TNS1: variants seen among roughly 807,000 people sequenced by gnomAD.
The protein encoded by TNS1 is tensin 1, also known as tensin-1.
In TNS1, 62 loss-of-function variants were observed where a neutral mutation model predicts 168.6. The observed-to-expected ratio is 0.37, with a 90% confidence interval of 0.30 to 0.45. The LOEUF (loss-of-function observed/expected upper bound fraction) is 0.45. TNS1 is among the 20% of genes least tolerant of loss of function. TNS1 has a pLI of 1.00. For synonymous variants in TNS1, 934 were observed against 933.2 expected (o/e 1.00, Z -0.02); for missense variants, 2,240 against 2,339.4 (o/e 0.96, Z 0.88).
At chr2:217,919,082 C>G (rs1395639435) in intron 4 of TNS1, among the ~76,000 whole-genome samples, 1 of 152,218 alleles carries the variant, frequency 6.6e-6, no homozygotes, top group Non-Finnish European at 1.5e-5. Context: ...TCCATCACCA[C>G]CCTGAATAGG....
chr2:217,870,032 G>A (rs1291709140), intron 18 of TNS1, among the ~76,000 whole-genome samples: 1 of 152,154 alleles, frequency 6.6e-6, no homozygotes, highest in East Asian at 1.9e-4. Context: ...AGATTTGATT[G>A]TTTCTCGTTC....
chr2:217,912,775 C>T (rs1442352288), intron 4 of TNS1, among the ~76,000 whole-genome samples: 3 of 152,160 alleles, frequency 2.0e-5, no homozygotes, highest in African/African-American at 7.2e-5. Flanking sequence ...CACATACAGA[C>T]CTATGAGAGC....
At chr2:217,954,302 G>C (rs567767480) in intron 3 of TNS1, among the ~76,000 whole-genome samples, 4 of 152,138 alleles carry the variant, frequency 2.6e-5, no homozygotes. Flanking sequence ...AATGAGCTGC[G>C]GTCCCCCATC....
At chr2:217,989,691 T>C in intron 2 of TNS1, among the ~76,000 whole-genome samples, 1 of 152,116 alleles carries the variant, frequency 6.6e-6, no homozygotes, top group East Asian at 1.9e-4. Flanking sequence ...GGTCCTCCGC[T>C]GAGTCTGACT....
intron 21 of TNS1, among the ~76,000 whole-genome samples, chr2:217,834,595 G>A (rs1373484205): frequency 5.3e-5 from 8 of 152,166 alleles, no homozygotes; most frequent in Non-Finnish European, 7.3e-5. Context: ...TCTGCCTGGA[G>A]GCCAAGGATG....
At chr2:218,031,894 G>A (rs1327692508) in intron 1 of TNS1, among the ~76,000 whole-genome samples, 4 of 152,220 alleles carry the variant, frequency 2.6e-5, no homozygotes, top group South Asian at 2.1e-4. Context: ...CTGCAGAAAC[G>A]GAAGAGGCAA....
At position 217,818,536 on chromosome 2, in the gene TNS1, C is replaced by T; in HGVS notation, c.3796G>A (p.Ala1266Thr). ...CCAGCCACACTGAACTGAGCTCGAGCCTGGCTTTCCGGAGAGGAGCTGAAA... is the reference window on the plus strand; with the variant it reads ...CCAGCCACACTGAACTGAGCTCGAGTCTGGCTTTCCGGAGAGGAGCTGAAA... Reference protein sequence around the residue: ...QHFSSSPESQARAQFSVAGVH... With the variant: ...QHFSSSPESQTRAQFSVAGVH... Residue 1266 changes from alanine (A) to threonine (T), a missense_variant, in exon 24 of 33, where the codon GCT (alanine) becomes ACT (threonine). Physicochemically the swap from Ala to Thr is moderately conservative, Grantham distance 58. Around this residue, in one of 2 missense-constraint regions of TNS1, gnomAD observed 2,131 missense variants for 2,171.2 expected, o/e 0.98. Coordinates refer to ENST00000682258, the MANE Select transcript of TNS1 (RefSeq NM_001387777.1). 6.2e-7 allele frequency: 1 copy of T among 1,614,226 alleles called. No homozygotes were observed. Among genetic ancestry groups the T allele is most frequent in the Non-Finnish European group, 8.5e-7 (1 of 1,180,032 alleles).
intron 1 of TNS1, among the ~76,000 whole-genome samples, chr2:218,018,049 G>A (rs929411762): frequency 6.6e-6 from 1 of 152,178 alleles, no homozygotes; most frequent in African/African-American, 2.4e-5. Context: ...TAGAATGGAG[G>A]CATATGAAGA....
rs1937732724 is a variant in TNS1, at chr2:217,803,165, C to T, written c.*1294G>A. 1 of 152,276 alleles carries T rather than the reference C, an allele frequency of 6.6e-6. No individual in the cohort carries two copies. Among genetic ancestry groups the T allele is most frequent in the African/African-American group, 2.4e-5 (1 of 41,476 alleles). The allele number at this position is 152,276 out of a possible 1,614,324, so 9.4% of individuals were successfully genotyped here. ...GAGGTCAGAGGGTGCCTGCAAAAGC[C>T]AGACCCTAAAACACTTACAGAGGGG... On this transcript the variant is annotated 3_prime_UTR_variant, in exon 33 of 33. Coordinates refer to ENST00000682258, the MANE Select transcript of TNS1 (RefSeq NM_001387777.1).
At chr2:218,007,353 GCA>G (rs1958667438), upstream of TNS1, among the ~76,000 whole-genome samples, 1 of 152,168 alleles carries the variant, frequency 6.6e-6, no homozygotes, top group Non-Finnish European at 1.5e-5. Context: ...AGAAACTGAG[GCA>G]CATAGAGGTT....
chr2:218,010,250 C>T, exon 1 of TNS1: 2 of 398,696 alleles, frequency 5.0e-6, no homozygotes, highest in Non-Finnish European at 8.9e-6. Context: ...GTGGACCCGC[C>T]GCTCCTGGCG....
At chr2:217,985,929 C>T (rs1213799140) in intron 2 of TNS1, among the ~76,000 whole-genome samples, 1 of 152,070 alleles carries the variant, frequency 6.6e-6, no homozygotes. Flanking sequence ...GAGCCCTGAC[C>T]CCTTAAGATT....
chr2:217,864,521 G>C (rs1438673638), intron 18 of TNS1, among the ~76,000 whole-genome samples: 1 of 152,206 alleles, frequency 6.6e-6, no homozygotes, highest in Non-Finnish European at 1.5e-5. Context: ...GGAGAAACAA[G>C]AAAGGAGATG....
At chr2:217,942,276 C>T (rs1255622640) in intron 3 of TNS1, among the ~76,000 whole-genome samples, 3 of 152,292 alleles carry the variant, frequency 2.0e-5, no homozygotes, top group Admixed American at 6.5e-5. Context: ...CCCTGGTGCT[C>T]GGCCGGACTG....
At chr2:217,831,594 G>A in intron 21 of TNS1, 47 bp from the exon 22 acceptor site, 1 of 1,409,496 alleles carries the variant, frequency 7.1e-7, no homozygotes, top group Non-Finnish European at 9.3e-7. Flanking sequence ...GAGGTGGGCA[G>A]GAGGGCAGAC....
chr2:217,920,113 T>C, intron 4 of TNS1, 82 bp downstream of exon 4: 1 of 702,276 alleles, frequency 1.4e-6, no homozygotes, highest in Non-Finnish European at 2.6e-6. Flanking sequence ...ACCAACATAT[T>C]TGGGTCTAAA....
chr2:217,952,853 C>T (rs1003187541), intron 3 of TNS1, among the ~76,000 whole-genome samples: 2 of 152,200 alleles, frequency 1.3e-5, no homozygotes, highest in African/African-American at 4.8e-5. Context: ...TCCCCAAGGC[C>T]ACCCAATCAA....
At chr2:217,988,658 T>A (rs1958264689) in intron 2 of TNS1, among the ~76,000 whole-genome samples, 1 of 152,132 alleles carries the variant, frequency 6.6e-6, no homozygotes, top group Non-Finnish European at 1.5e-5. Flanking sequence ...GCTCCAACCC[T>A]AAACTGCCCG....
At chr2:218,021,462 G>A (rs944981625) in intron 1 of TNS1, among the ~76,000 whole-genome samples, 3 of 152,176 alleles carry the variant, frequency 2.0e-5, no homozygotes, top group South Asian at 4.2e-4. Flanking sequence ...CCATAGCCTA[G>A]AGCGAGTAGA....
Sources: allele counts gnomAD v4.1 joint callset (sites outside exome capture counted in the v4.1 genomes callset), GRCh38; gene constraint gnomAD v4.1.1; regional missense constraint gnomAD v4.1.1; transcripts MANE v1.5; gene names NCBI Gene and HGNC (gene_info 2026-07-23, HGNC 2026-07-21).